Variants in ZFHX3 observed in about 807,000 individuals in gnomAD.
ZFHX3 encodes zinc finger homeobox 3.
In ZFHX3, 42 loss-of-function variants were observed where a neutral mutation model predicts 279.1. The observed-to-expected ratio is 0.15, with a 90% CI of 0.12 to 0.19. ZFHX3 has a LOEUF of 0.19. Ranked by LOEUF, ZFHX3 falls within the 10% of genes least tolerant of loss-of-function variation. The probability of loss-of-function intolerance (pLI) is 1.00; values close to 1 mark genes in which losing one functional copy is unlikely to be tolerated. For synonymous variants in ZFHX3, 2,293 were observed against 1,957.8 expected, an observed-to-expected ratio of 1.17 and a Z score of -4.52; for missense variants, 4,981 against 4,754.0, an observed-to-expected ratio of 1.05 and a Z score of -1.40.
chr16:73,381,674 T>C (rs1362118357), intron 3 of ZFHX3, among the ~76,000 whole-genome samples: 3 of 152,214 alleles, frequency 2.0e-5, no homozygotes, highest in Non-Finnish European at 4.4e-5. Flanking sequence ...GAATATCCAA[T>C]CTTTTGGCTT....
chr16:73,460,971 C>G (rs2018461581), intron 2 of ZFHX3, among the ~76,000 whole-genome samples: 2 of 152,218 alleles, frequency 1.3e-5, no homozygotes, highest in Non-Finnish European at 2.9e-5. Flanking sequence ...GAACTGTGAG[C>G]CAATTGCCTC....
chr16:73,435,993 C>G lies in ZFHX3; in HGVS notation c.-1291+20010G>C, dbSNP rs539108197. ...GATGGCTGCTGTTTTAGTCCGTTTTCTCACTGCTGATAAAGACACACCTGA... is the reference window on the plus strand; with the variant it reads ...GATGGCTGCTGTTTTAGTCCGTTTTGTCACTGCTGATAAAGACACACCTGA... On this transcript the variant is annotated intron_variant, in intron 3 of 17. Coordinates refer to the ZFHX3 transcript ENST00000641206. 2.5e-3 allele frequency among the ~76,000 whole-genome samples: 382 copies of G among 152,306 alleles called. 1 individual carries two copies. The highest frequency in any genetic ancestry group is 8.9e-3 in the African/African-American group (372 of 41,574).
intron 6 of ZFHX3, among the ~76,000 whole-genome samples, chr16:73,137,986 G>C (rs551019445): frequency 2.2e-4 from 34 of 152,268 alleles, no homozygotes; most frequent in African/African-American, 6.3e-4. Flanking sequence ...TGTCATCGGA[G>C]AAAATCCCTG....
chr16:73,334,503 G>A (rs2015868965), intron 3 of ZFHX3, among the ~76,000 whole-genome samples: 1 of 152,086 alleles, frequency 6.6e-6, no homozygotes, highest in Non-Finnish European at 1.5e-5. Flanking sequence ...GAAGGAAGTG[G>A]GGCTCTGTGC....
intron 4 of ZFHX3, among the ~76,000 whole-genome samples, chr16:73,269,924 T>G (rs979260604): frequency 2.0e-5 from 3 of 151,924 alleles, no homozygotes; most frequent in Admixed American, 2.0e-4. Context: ...AATTTTTTAT[T>G]TGTAGTAGAG....
At chr16:73,740,294 C>G (rs111621149) in intron 1 of ZFHX3, among the ~76,000 whole-genome samples, 2,338 of 152,210 alleles carry the variant, frequency 0.015, 62 homozygotes, top group African/African-American at 0.054. Flanking sequence ...TAACTACCAT[C>G]AAAAACATGC....
intron 4 of ZFHX3, among the ~76,000 whole-genome samples, chr16:73,284,631 T>C (rs1190933917): frequency 6.6e-6 from 1 of 152,204 alleles, no homozygotes; most frequent in African/African-American, 2.4e-5. Context: ...TGAAAACTTT[T>C]ATAAGTCTCT....
intron 2 of ZFHX3, among the ~76,000 whole-genome samples, chr16:73,615,621 A>G (rs971469544): frequency 1.9e-4 from 29 of 152,206 alleles, no homozygotes; most frequent in African/African-American, 6.3e-4. Context: ...TTCGGAAGAT[A>G]TAACTAAAAC....
chr16:73,277,817 T>C (rs1243412540), intron 4 of ZFHX3, among the ~76,000 whole-genome samples: 6 of 152,164 alleles, frequency 3.9e-5, no homozygotes, highest in African/African-American at 4.8e-5. Flanking sequence ...TATAGTGGTT[T>C]TGGCTTCTGT....
chr16:72,787,201 CCA>C lies in ZFHX3; in HGVS notation c.11073_11074del (p.Ser3691ArgfsTer39). 6.2e-7 allele frequency: 1 copy of C among 1,613,696 alleles called. No homozygotes were observed. The highest frequency in any genetic ancestry group is 8.5e-7 in the Non-Finnish European group (1 of 1,179,728). On this transcript the variant is annotated frameshift_variant, in exon 10 of 10. Coordinates refer to ENST00000268489, the MANE Select transcript of ZFHX3 (RefSeq NM_006885.4). LOFTEE classifies it high-confidence loss of function. Reference sequence around the variant, plus strand: ...GGTGTCCGTTCCTACACTGGTCAGACCACTGTCCTTGGGGCAGCTGGGGTCTT... The same window carrying C: ...GGTGTCCGTTCCTACACTGGTCAGACCTGTCCTTGGGGCAGCTGGGGTCTT...
In ZFHX3 at chr16:72,957,861, C is replaced by T. The variant is rs1199251020; in HGVS notation, c.2285G>A (p.Gly762Glu). The T allele has an allele frequency of 3.1e-6, 5 of 1,614,022 alleles. No individual in the cohort carries two copies. Among genetic ancestry groups the T allele is most frequent in the Non-Finnish European group, 3.4e-6 (4 of 1,180,034 alleles). The part of the protein sequence containing the change: ...NNMQNLQNGG[G>E]EQVFSHTAGA... ...GGCAGTGTGGCTGAAGACCTGCTCC[C>T]CCCCTCCATTCTGCAGGTTCTGCAT... The change falls in exon 2 of 10, where the codon GGG (glycine) becomes GAG (glutamate). Residue 762 changes from glycine to glutamate, a missense_variant. Physicochemically the swap from Gly to Glu is moderately conservative, Grantham distance 98. This residue lies in a region of ZFHX3 where 1,751 missense variants were observed against 1,770.0 expected (regional missense o/e 0.99). Transcript: ENST00000268489.
Position 72,964,778 on chromosome 16 carries a change from T to A in ZFHX3, c.-49-4584A>T, listed in dbSNP as rs1375155727. On this transcript the variant is annotated intron_variant, in intron 1 of 9. Coordinates refer to ENST00000268489, the MANE Select transcript of ZFHX3 (RefSeq NM_006885.4). ...GGGTACAGCATCACTTTGATCCTCA[T>A]ACCCACACTAGGAGATAGATACTAT... is the stretch of plus-strand genomic sequence containing the variant. Among the ~76,000 whole-genome samples, 3 of 152,148 alleles carry A rather than the reference T, an allele frequency of 2.0e-5. No homozygotes were observed. In the East Asian group the frequency reaches 5.8e-4, roughly 29 times the overall value.
In ZFHX3 at chr16:72,787,011, A is replaced by C; in HGVS notation, c.*153T>G. ...TCACCGGCATAGATAGGTATATGGG[A>C]AAACAACCCACGCTTTTTCTTTTTT... On this transcript the variant is annotated 3_prime_UTR_variant, in exon 10 of 10. Coordinates refer to ENST00000268489, the MANE Select transcript of ZFHX3 (RefSeq NM_006885.4). 2 of 876,774 alleles carry C rather than the reference A, an allele frequency of 2.3e-6. No homozygotes were observed. The highest frequency in any genetic ancestry group is 3.0e-6 in the Non-Finnish European group (2 of 659,900). The allele number at this position is 876,774 out of a possible 1,614,324, so 54.3% of individuals were successfully genotyped here. A position where few individuals can be genotyped will look rare whatever the true frequency, so the allele number is the denominator to read the frequency against.
chr16:73,494,268 G>A (rs754576505), intron 2 of ZFHX3, among the ~76,000 whole-genome samples: 3 of 152,170 alleles, frequency 2.0e-5, no homozygotes, highest in Admixed American at 6.5e-5. Flanking sequence ...GCTGGTTTAC[G>A]TAAAGCAAAT....
At chr16:73,130,330 C>A (rs926851930) in intron 7 of ZFHX3, among the ~76,000 whole-genome samples, 1 of 151,938 alleles carries the variant, frequency 6.6e-6, no homozygotes, top group African/African-American at 2.4e-5. Flanking sequence ...GATGGCTCTG[C>A]GTTCTTGGGC....
intron 1 of ZFHX3, among the ~76,000 whole-genome samples, chr16:73,008,910 ACGTG>A (rs755510968): frequency 2.5e-4 from 16 of 62,834 alleles, no homozygotes; most frequent in Admixed American, 1.4e-3. Flanking sequence ...TAAAGTATAT[ACGTG>A]TGTGTGTGTG....
intron 1 of ZFHX3, among the ~76,000 whole-genome samples, chr16:73,012,572 G>C (rs929782651): frequency 1.3e-5 from 2 of 152,130 alleles, no homozygotes; most frequent in African/African-American, 4.8e-5. Context: ...AGCAGCAACC[G>C]GCCTTCATCC....
chr16:73,830,329 G>C (rs1006705554), intron 1 of ZFHX3, among the ~76,000 whole-genome samples: 4 of 149,446 alleles, frequency 2.7e-5, no homozygotes, highest in African/African-American at 9.9e-5. Context: ...AGATGAACCC[G>C]GTACCTCAGA....
intron 7 of ZFHX3, among the ~76,000 whole-genome samples, chr16:72,804,793 C>T (rs2036212120): frequency 6.6e-6 from 1 of 152,104 alleles, no homozygotes. Context: ...CCAATCCCTG[C>T]AGGTCACAGA....
Sources: gnomAD v4.1 joint callset for allele counts (sites outside exome capture counted in the v4.1 genomes callset) on GRCh38, gnomAD v4.1.1 for gene constraint, gnomAD v4.1.1 regional missense constraint, MANE v1.5 for transcripts, NCBI Gene and HGNC (gene_info 2026-07-23, HGNC 2026-07-21) for gene names.